The following SATB1 variants were observed in gnomAD, a reference collection of about 807,000 sequenced individuals.
SATB1 encodes the protein DNA-binding protein SATB1.
In SATB1, 11 loss-of-function variants were observed where a neutral mutation model predicts 86.9. The observed-to-expected ratio is 0.13, with a 90% CI of 0.08 to 0.21. The LOEUF (loss-of-function observed/expected upper bound fraction) is 0.21. Among genes scored for constraint, SATB1 ranks in the 10% least tolerant of loss-of-function variants. The pLI is 1.00. For missense variants in SATB1, 551 were observed against 937.6 expected (o/e 0.59, Z 5.39); for synonymous variants, 357 against 357.2 (o/e 1.00, Z 0.01).
rs769098497 is a variant in SATB1 at position 18,349,528 on chromosome 3, G to A, written c.1934C>T (p.Thr645Ile). 15 of 1,614,130 alleles carry A rather than the reference G, an allele frequency of 9.3e-6. No individual in the cohort carries two copies. Among genetic ancestry groups the A allele is most frequent in the Non-Finnish European group, 1.3e-5 (15 of 1,180,030 alleles). The change falls in exon 11 of 11, where the codon ACC becomes ATC. Residue 645 changes from threonine (T) to isoleucine (I), a missense_variant. Thr to Ile is a moderately conservative substitution (Grantham distance 89). This residue lies in a region of SATB1 where 87 missense variants were observed against 103.6 expected (regional missense o/e 0.84). Transcript: ENST00000338745. The surrounding 1 kb of genome is among the most constrained non-coding windows in gnomAD (Gnocchi z 5.5). Reference sequence around the variant, plus strand: ...CACTGAAATTTTTGTTCGTGGCCGGGTCTTCTGTCGGTTTTCCTCATCTGA... The same window carrying A: ...CACTGAAATTTTTGTTCGTGGCCGGATCTTCTGTCGGTTTTCCTCATCTGA... ...AESDEENRQK[T>I]RPRTKISVEA...
Position 18,417,042 on chromosome 3 carries a change from T to C in SATB1, c.248A>G (p.Tyr83Cys). The C allele has an allele frequency of 6.2e-7, 1 of 1,613,442 alleles. No individual in the cohort carries two copies. The highest frequency in any genetic ancestry group is 8.5e-7 in the Non-Finnish European group (1 of 1,179,588). ...GCAATCATATTCAATGGCGTTTTCA[T>C]AATGTTCCACCACACAGAAAACTGG... Reference protein sequence around the residue: ...MLPVFCVVEHYENAIEYDCKE... With the variant: ...MLPVFCVVEHCENAIEYDCKE... Residue 83 changes from tyrosine (Y) to cysteine (C), a missense_variant, in exon 3 of 11, where the codon TAT becomes TGT. Transcript: ENST00000338745.
upstream of SATB1, among the ~76,000 whole-genome samples, chr3:18,443,018 T>C (rs888076295): frequency 6.6e-6 from 1 of 152,242 alleles, no homozygotes; most frequent in Non-Finnish European, 1.5e-5. The surrounding 1 kb of genome is among the most constrained non-coding windows in gnomAD (Gnocchi z 4.4). Flanking sequence ...CTTGGTTTTC[T>C]TCAGACTTAA....
Position 18,349,871 on chromosome 3 carries a change from T to C in SATB1, c.1780-189A>G. The stretch of plus-strand genomic sequence containing the variant: ...TACAAAAAAATCAAAATGATATGAC[T>C]AGGAAGGGATGAATTAAGACAGCTT... On this transcript the variant is annotated intron_variant, in intron 10 of 10. Transcript: ENST00000338745. The surrounding 1 kb of genome is among the most constrained non-coding windows in gnomAD (Gnocchi z 5.5). 4 of 1,008,074 alleles carry C rather than the reference T, an allele frequency of 4.0e-6. No homozygotes were observed. The highest frequency in any genetic ancestry group is 5.6e-6 in the Non-Finnish European group (4 of 716,836). The allele number at this position is 1,008,074 out of a possible 1,614,324, so 62.4% of individuals were successfully genotyped here.
At chr3:18,402,271 T>G (rs1285081063) in intron 5 of SATB1, among the ~76,000 whole-genome samples, 1 of 152,048 alleles carries the variant, frequency 6.6e-6, no homozygotes, top group Non-Finnish European at 1.5e-5. Flanking sequence ...CAAAAAAAGA[T>G]TCATCAGATG....
upstream of SATB1, among the ~76,000 whole-genome samples, chr3:18,429,373 C>T (rs1281536656): frequency 6.6e-6 from 1 of 152,228 alleles, no homozygotes; most frequent in African/African-American, 2.4e-5. The surrounding 1 kb of genome is among the most constrained non-coding windows in gnomAD (Gnocchi z 4.1). Flanking sequence ...ATGCAATATC[C>T]TGTAAACATT....
At chr3:18,438,343 G>T (rs1417913593) in intron 1 of SATB1, among the ~76,000 whole-genome samples, 2 of 152,108 alleles carry the variant, frequency 1.3e-5, no homozygotes, top group African/African-American at 4.8e-5. Flanking sequence ...TTTCAAGAAG[G>T]TCTAATAATT....
At chr3:18,430,890 A>C (rs1024750790) in intron 2 of SATB1, among the ~76,000 whole-genome samples, 5 of 152,236 alleles carry the variant, frequency 3.3e-5, no homozygotes, top group African/African-American at 1.2e-4. Flanking sequence ...GGGGGAAAAA[A>C]CCCAATGTTT....
At position 18,347,384 on chromosome 3, in the gene SATB1, T is replaced by C. The variant is rs1357588275; in HGVS notation, c.*1786A>G. The C allele has an allele frequency of 3.9e-5, 6 of 152,178 alleles. No homozygotes were observed. The highest frequency in any genetic ancestry group is 3.3e-4 in the Admixed American group (5 of 15,276). The allele number at this position is 152,178 out of a possible 1,614,324, so 9.4% of individuals were successfully genotyped here. On this transcript the variant is annotated 3_prime_UTR_variant, in exon 11 of 11. Coordinates refer to ENST00000338745, the MANE Select transcript of SATB1 (RefSeq NM_002971.6). ...TTTAATGTTGCAAGAATTTTGAAGATTGTGTTTAAATACCAGGTGTGTTAT... is the reference window on the plus strand; with the variant it reads ...TTTAATGTTGCAAGAATTTTGAAGACTGTGTTTAAATACCAGGTGTGTTAT...
chr3:18,401,741 A>G (rs1220862596), intron 5 of SATB1, among the ~76,000 whole-genome samples: 1 of 152,152 alleles, frequency 6.6e-6, no homozygotes, highest in Non-Finnish European at 1.5e-5. Flanking sequence ...CCCCAGTGTG[A>G]CACAATATTC....
At chr3:18,411,836 C>A (rs951947080) in intron 5 of SATB1, among the ~76,000 whole-genome samples, 2 of 151,970 alleles carry the variant, frequency 1.3e-5, no homozygotes, top group African/African-American at 4.8e-5. Context: ...TCGATTTGGG[C>A]AGATTTATGA....
intron 4 of SATB1, 125 bp downstream of exon 4, chr3:18,415,882 G>T: frequency 4.0e-6 from 3 of 755,470 alleles, no homozygotes; most frequent in Non-Finnish European, 5.8e-6. Flanking sequence ...TAACAAAATC[G>T]ATCTGTATTA....
rs147278761 is a variant in SATB1, at chr3:18,346,891, T to C, written c.*2279A>G. 421 of 152,304 alleles carry C rather than the reference T, an allele frequency of 2.8e-3. 2 individuals are homozygous for C. The highest frequency in any genetic ancestry group is 9.8e-3 in the African/African-American group (408 of 41,564). The allele number at this position is 152,304 out of a possible 1,614,324, so 9.4% of individuals were successfully genotyped here. On this transcript the variant is annotated 3_prime_UTR_variant, in exon 11 of 11. Coordinates refer to ENST00000338745, the MANE Select transcript of SATB1 (RefSeq NM_002971.6). ...TTTTAAATACATGAAACCTAGTTTC[T>C]ATTTTCTTAATTCAAATTCCTTTGG...
chr3:18,443,408 G>T (rs1453616119), upstream of SATB1, among the ~76,000 whole-genome samples: 1 of 152,190 alleles, frequency 6.6e-6, no homozygotes, highest in Non-Finnish European at 1.5e-5. This position sits in a 1 kb window ranked among gnomAD's most constrained non-coding sequence, Gnocchi z 4.4. Flanking sequence ...TAGAACATTT[G>T]CTTGTAAGTC....
chr3:18,378,445 G>A (rs961496207), intron 8 of SATB1, 120 bp from the exon 9 acceptor site: 6 of 943,846 alleles, frequency 6.4e-6, no homozygotes, highest in East Asian at 2.6e-5. Flanking sequence ...GATCAACAGT[G>A]CAGTCATTCA....
intron 9 of SATB1, among the ~76,000 whole-genome samples, chr3:18,363,576 T>C (rs974655369): frequency 6.6e-6 from 1 of 152,134 alleles, no homozygotes; most frequent in African/African-American, 2.4e-5. Context: ...CAGTGAAGCA[T>C]GACCCTACTC....
chr3:18,370,495 T>C (rs1234279076), intron 9 of SATB1, among the ~76,000 whole-genome samples: 3 of 64,718 alleles, frequency 4.6e-5, no homozygotes, highest in East Asian at 3.8e-4. Context: ...TAACTGACAA[T>C]ATGGGACAAC....
intron 3 of SATB1, 133 bp downstream of exon 3, chr3:18,416,769 A>T: frequency 1.1e-6 from 1 of 870,806 alleles, no homozygotes; most frequent in Non-Finnish European, 1.7e-6. Context: ...CCAATTTTTT[A>T]AAGCCACAGC....
chr3:18,347,080 G>T lies in SATB1; in HGVS notation c.*2090C>A, dbSNP rs1317110925. On this transcript the variant is annotated 3_prime_UTR_variant, in exon 11 of 11. Transcript: ENST00000338745. ...GTAAATGGAACTTTAAAGCTTTATT[G>T]AAAGTTTTCAATGATTCCACTTCAG... The T allele has an allele frequency of 6.6e-6, 1 of 150,420 alleles. No homozygotes were observed. Among genetic ancestry groups the T allele is most frequent in the African/African-American group, 2.4e-5 (1 of 41,180 alleles). 9.3% of individuals were successfully genotyped at this position (150,420 alleles called of 1,614,324 possible).
At chr3:18,420,719 G>A in intron 2 of SATB1, 38 bp downstream of exon 2, 1 of 1,563,474 alleles carries the variant, frequency 6.4e-7, no homozygotes, top group Non-Finnish European at 8.8e-7. Context: ...AGACAACAGG[G>A]CTTTCAGCTT....
Sources: allele counts gnomAD v4.1 joint callset (sites outside exome capture counted in the v4.1 genomes callset), GRCh38; gene constraint gnomAD v4.1.1; regional missense constraint gnomAD v4.1.1; non-coding constraint Gnocchi (gnomAD v3.1); transcripts MANE v1.5; gene names NCBI Gene and HGNC (gene_info 2026-07-23, HGNC 2026-07-21).